The following GPC5 variants were observed in gnomAD, a reference collection of about 807,000 sequenced individuals.
GPC5 encodes the protein glypican-5.
In GPC5, 47 loss-of-function variants were observed where a neutral mutation model predicts 53.9. The observed-to-expected ratio is 0.87, with a 90% CI of 0.69 to 1.11. GPC5 has a LOEUF of 1.11. Ranked by LOEUF, GPC5 falls within the 50% of genes most tolerant of loss-of-function variation. GPC5 has a pLI of 0.00. For synonymous variants in GPC5, 286 were observed against 263.3 expected (o/e 1.09, Z -0.84); for missense variants, 748 against 713.1 (o/e 1.05, Z -0.56).
chr13:92,293,422 CTTTTT>C (rs748125673), intron 7 of GPC5, among the ~76,000 whole-genome samples: 2 of 77,284 alleles, frequency 2.6e-5, no homozygotes, highest in East Asian at 8.9e-4. Context: ...TGGTTGGTTT[CTTTTT>C]TTTTTTTTTT....
At chr13:91,850,384 C>G (rs1323667464) in intron 5 of GPC5, among the ~76,000 whole-genome samples, 2 of 152,100 alleles carry the variant, frequency 1.3e-5, no homozygotes, top group Non-Finnish European at 2.9e-5. Flanking sequence ...CTGGTTCAAA[C>G]TGTCAATAAT....
rs571573068 is a variant in GPC5, at chr13:91,727,551, G to C, written c.1021-981G>C. On this transcript the variant is annotated intron_variant, in intron 3 of 7. Transcript: ENST00000377067. Reference sequence around the variant, plus strand: ...AAATACTAGAAATAAAATAAATATGGGTAAAATAAATGAAATGGATGCATA... The same window carrying C: ...AAATACTAGAAATAAAATAAATATGCGTAAAATAAATGAAATGGATGCATA... 3.9e-5 allele frequency among the ~76,000 whole-genome samples: 6 copies of C among 152,006 alleles called. No individual in the cohort carries two copies. In the East Asian group the frequency reaches 1.2e-3, roughly 29 times the overall value.
At chr13:91,694,815 G>C (rs559475388) in intron 3 of GPC5, among the ~76,000 whole-genome samples, 1 of 152,324 alleles carries the variant, frequency 6.6e-6, no homozygotes, top group African/African-American at 2.4e-5. Context: ...CTCCATGTTG[G>C]TCAGGCTGGT....
At chr13:91,595,149 C>T (rs903777295) in intron 2 of GPC5, among the ~76,000 whole-genome samples, 3 of 151,948 alleles carry the variant, frequency 2.0e-5, no homozygotes, top group African/African-American at 7.2e-5. Flanking sequence ...TCCCGAGTAG[C>T]TGGGACTACA....
intron 6 of GPC5, among the ~76,000 whole-genome samples, chr13:92,005,361 T>C (rs1360972316): frequency 6.6e-6 from 1 of 152,122 alleles, no homozygotes; most frequent in African/African-American, 2.4e-5. Flanking sequence ...TCTGCCACCA[T>C]AGTCTTCGCC....
chr13:92,863,558 A>G (rs1445465512), intron 7 of GPC5, among the ~76,000 whole-genome samples: 5 of 152,082 alleles, frequency 3.3e-5, no homozygotes, highest in African/African-American at 1.2e-4. Context: ...CAATGGCACA[A>G]TCTAGGCTCA....
At chr13:92,014,176 G>C (rs1197239483) in intron 6 of GPC5, among the ~76,000 whole-genome samples, 1 of 152,110 alleles carries the variant, frequency 6.6e-6, no homozygotes, top group South Asian at 2.1e-4. Flanking sequence ...TGACACTTAT[G>C]GAGTGCTCAT....
chr13:92,159,917 T>A (rs1465930918), intron 7 of GPC5, among the ~76,000 whole-genome samples: 1 of 150,352 alleles, frequency 6.7e-6, no homozygotes, highest in African/African-American at 2.5e-5. Flanking sequence ...GTTCTTTTTT[T>A]AATTGAGAGG....
chr13:91,818,409 T>C (rs1235078270), intron 5 of GPC5, among the ~76,000 whole-genome samples: 3 of 152,230 alleles, frequency 2.0e-5, no homozygotes, highest in African/African-American at 7.2e-5. Context: ...TTGTTATATA[T>C]AACTGACATT....
intron 2 of GPC5, among the ~76,000 whole-genome samples, chr13:91,682,471 C>T (rs1192813748): frequency 6.6e-6 from 1 of 152,234 alleles, no homozygotes; most frequent in Middle Eastern, 3.4e-3. Flanking sequence ...TACCTGTTTT[C>T]TGATGAGAAT....
intron 6 of GPC5, among the ~76,000 whole-genome samples, chr13:92,054,461 G>A (rs1285043310): frequency 6.6e-6 from 1 of 151,986 alleles, no homozygotes; most frequent in African/African-American, 2.4e-5. Context: ...AGTATTTTAT[G>A]TATATTAATT....
At chr13:92,802,516 C>A (rs2138788776) in intron 7 of GPC5, among the ~76,000 whole-genome samples, 1 of 151,990 alleles carries the variant, frequency 6.6e-6, no homozygotes, top group East Asian at 1.9e-4. Flanking sequence ...TATTGCTGCA[C>A]TACTCACAAC....
At chr13:92,001,631 G>A (rs1192274852) in intron 6 of GPC5, among the ~76,000 whole-genome samples, 3 of 151,964 alleles carry the variant, frequency 2.0e-5, no homozygotes, top group Non-Finnish European at 4.4e-5. Flanking sequence ...GAAAGCAAAA[G>A]CATTTAATAC....
chr13:91,470,060 A>G (rs1882514434), intron 2 of GPC5, among the ~76,000 whole-genome samples: 1 of 151,928 alleles, frequency 6.6e-6, no homozygotes, highest in Non-Finnish European at 1.5e-5. Context: ...AACAACAACA[A>G]ACCCTCCCCA....
chr13:91,717,722 A>G (rs1271060727), intron 3 of GPC5, among the ~76,000 whole-genome samples: 2 of 151,900 alleles, frequency 1.3e-5, no homozygotes, highest in African/African-American at 4.8e-5. Flanking sequence ...ATGCCCGGCT[A>G]ATTTTTGTAT....
intron 7 of GPC5, among the ~76,000 whole-genome samples, chr13:92,171,033 A>T (rs79320254): frequency 6.6e-6 from 1 of 152,018 alleles, no homozygotes; most frequent in Non-Finnish European, 1.5e-5. Flanking sequence ...CACCTACTCT[A>T]TTCTTCTTAA....
intron 7 of GPC5, among the ~76,000 whole-genome samples, chr13:92,332,322 T>C (rs1594106250): frequency 6.6e-6 from 1 of 152,174 alleles, no homozygotes; most frequent in East Asian, 1.9e-4. Context: ...ATAGCTTATG[T>C]AATGTTTTTC....
At chr13:92,284,141 G>C (rs1202188996) in intron 7 of GPC5, among the ~76,000 whole-genome samples, 3 of 152,176 alleles carry the variant, frequency 2.0e-5, no homozygotes, top group Non-Finnish European at 4.4e-5. Context: ...AAATCTAGAA[G>C]AAATGGACAA....
intron 7 of GPC5, among the ~76,000 whole-genome samples, chr13:92,207,391 C>A (rs1163511309): frequency 6.6e-6 from 1 of 152,162 alleles, no homozygotes; most frequent in Non-Finnish European, 1.5e-5. Flanking sequence ...CTTCCTGCAC[C>A]CACAGCTGCA....
Sources: allele counts gnomAD v4.1 joint callset (sites outside exome capture counted in the v4.1 genomes callset), GRCh38; gene constraint gnomAD v4.1.1; transcripts MANE v1.5; gene names NCBI Gene and HGNC (gene_info 2026-07-23, HGNC 2026-07-21).